The following DLG3 variants were observed in gnomAD, a reference collection of about 807,000 sequenced individuals.
DLG3 encodes the protein discs large MAGUK scaffold protein 3.
A neutral mutation model predicts 64.1 loss-of-function variants in DLG3; 1 was observed. That is an observed-to-expected ratio of 0.02 (90% CI 0.01 to 0.07). The LOEUF (loss-of-function observed/expected upper bound fraction) is 0.07, where lower values mean the gene tolerates loss of function less well. Among genes scored for constraint, DLG3 ranks in the 10% least tolerant of loss-of-function variants. The probability of loss-of-function intolerance (pLI) is 1.00; values close to 1 mark genes in which losing one functional copy is unlikely to be tolerated. For missense variants in DLG3, 429 were observed against 669.5 expected, an observed-to-expected ratio of 0.64 and a Z score of 3.96; for synonymous variants, 245 against 259.8, an observed-to-expected ratio of 0.94 and a Z score of 0.55.
chrX:70,502,637 G>T lies in DLG3; in HGVS notation c.*368G>T, dbSNP rs1039255268. ...AAAGACAGACTCTGGACAGCTGCAC[G>T]GCTTGTGAAGTGAGCTAAATGCACC... On this transcript the variant is annotated 3_prime_UTR_variant, in exon 19 of 19. Coordinates refer to ENST00000374360, the MANE Select transcript of DLG3 (RefSeq NM_021120.4). 5.0e-6 allele frequency: 1 copy of T among 199,246 alleles called. No homozygotes were observed. Among genetic ancestry groups the T allele is most frequent in the East Asian group, 1.3e-4 (1 of 7,687 alleles). The allele number at this position is 199,246 out of a possible 1,213,427, so 16.4% of individuals were successfully genotyped here. A position where few individuals can be genotyped will look rare whatever the true frequency, so the allele number is the denominator to read the frequency against.
At chrX:70,472,460 C>T (rs2086986442) in intron 9 of DLG3, among the ~76,000 whole-genome samples, 1 of 111,541 alleles carries the variant, frequency 9.0e-6, no homozygotes, top group African/African-American at 3.3e-5. Context: ...GATGCTGAGG[C>T]ACAAGAATTC....
chrX:70,492,697 A>T, intron 12 of DLG3, 101 bp downstream of exon 12: 1 of 783,718 alleles, frequency 1.3e-6, no homozygotes, highest in Non-Finnish European at 1.9e-6. Context: ...ACAAAAGAAA[A>T]TCTCTTTTTC....
chrX:70,464,297 T>C (rs938685683), intron 9 of DLG3, among the ~76,000 whole-genome samples: 1 of 108,089 alleles, frequency 9.3e-6, no homozygotes, highest in African/African-American at 3.4e-5. Context: ...TTGTCTCACT[T>C]TGTCACCCAG....
In DLG3 at chrX:70,499,899, T is replaced by G; in HGVS notation, c.1995T>G (p.Asp665Glu). Residue 665 changes from aspartate to glutamate, a missense_variant, in exon 16 of 19, where the codon GAT becomes GAG. By Grantham distance (45) the Asp-to-Glu change is conservative. Coordinates refer to ENST00000374360, the MANE Select transcript of DLG3 (RefSeq NM_021120.4). ...CAGATACTACCCGGCCTCGACGTGATAATGAGGTGGATGGACAAGACTACC... is the reference window on the plus strand; with the variant it reads ...CAGATACTACCCGGCCTCGACGTGAGAATGAGGTGGATGGACAAGACTACC... ...CVPHTTRPRR[D>E]NEVDGQDYHF... The G allele has an allele frequency of 3.3e-6, 4 of 1,209,709 alleles. No homozygotes were observed. The highest frequency in any genetic ancestry group is 4.5e-6 in the Non-Finnish European group (4 of 894,505).
intron 1 of DLG3, among the ~76,000 whole-genome samples, chrX:70,447,247 G>A (rs1457738039): frequency 1.8e-5 from 2 of 111,672 alleles, no homozygotes; most frequent in East Asian, 5.6e-4. Context: ...AAGCCTCTGG[G>A]TACCACTGGG....
At chrX:70,482,704 C>G (rs772212989) in intron 10 of DLG3, among the ~76,000 whole-genome samples, 1 of 80,554 alleles carries the variant, frequency 1.2e-5, no homozygotes, top group Admixed American at 1.8e-4. Context: ...CTCGCTCTGT[C>G]GCCCAGGCTG....
rs1228853521 is a variant in DLG3, at chrX:70,479,233, C to T, written c.1489C>T (p.Arg497Ter). Residue 497 changes from arginine (R) to a stop codon, truncating the protein, a stop_gained, in exon 10 of 19, where the codon CGA becomes TGA. Coordinates refer to ENST00000374360, the MANE Select transcript of DLG3 (RefSeq NM_021120.4). LOFTEE classifies it high-confidence loss of function. ...SSMSSGSGSL[R>*]TSEKRSLYVR... ...CATGAGCTCTGGGTCTGGGTCCCTCCGAACAAGTGAAAAGAGGTCCTTGTA... is the reference window on the plus strand; with the variant it reads ...CATGAGCTCTGGGTCTGGGTCCCTCTGAACAAGTGAAAAGAGGTCCTTGTA... 8.3e-7 allele frequency: 1 copy of T among 1,209,043 alleles called. No homozygotes were observed. The highest frequency in any genetic ancestry group is 1.7e-5 in the African/African-American group (1 of 57,209).
Position 70,471,150 on chromosome X carries a change from G to A in DLG3, c.1406-8000G>A, listed in dbSNP as rs1460834055. On this transcript the variant is annotated intron_variant, in intron 9 of 18. Transcript: ENST00000374360. ...TGTTGACTCAACAGGGGTGCAGATC[G>A]CCACACTAAACCTTGAGAAGGAAGC... 2.7e-5 allele frequency among the ~76,000 whole-genome samples: 3 copies of A among 110,107 alleles called. No homozygotes were observed. The East Asian group carries it at 8.6e-4, about 31-fold the overall frequency.
At chrX:70,482,662 G>GTTTTTTGTTTTTT (rs2087178639) in intron 10 of DLG3, among the ~76,000 whole-genome samples, 1 of 66,089 alleles carries the variant, frequency 1.5e-5, no homozygotes, top group East Asian at 4.4e-4. Flanking sequence ...CATGTGTGGT[G>GTTTTTTGTTTTTT]TTTTTTTTTT....
At position 70,502,427 on chromosome X, in the gene DLG3, T is replaced by C; in HGVS notation, c.*158T>C. On this transcript the variant is annotated 3_prime_UTR_variant, in exon 19 of 19. Coordinates refer to ENST00000374360, the MANE Select transcript of DLG3 (RefSeq NM_021120.4). ...AATTAAGTTTTCTAGTCCTGTTCTT[T>C]TTTTTTTTTTAAGTTTTTGTTTGTT... 2.2e-6 allele frequency: 1 copy of C among 444,840 alleles called. No individual in the cohort carries two copies. The highest frequency in any genetic ancestry group is 3.9e-6 in the Non-Finnish European group (1 of 255,662). The allele number at this position is 444,840 out of a possible 1,213,427, so 36.7% of individuals were successfully genotyped here.
intron 9 of DLG3, among the ~76,000 whole-genome samples, chrX:70,478,924 C>T (rs760710827): frequency 8.9e-6 from 1 of 111,789 alleles, no homozygotes; most frequent in Non-Finnish European, 1.9e-5. Flanking sequence ...AAATGCTACT[C>T]CCTTTTCAGG....
rs1017551146 is a variant in DLG3, at chrX:70,502,901, A to G, written c.*632A>G. On this transcript the variant is annotated 3_prime_UTR_variant, in exon 19 of 19. Coordinates refer to ENST00000374360, the MANE Select transcript of DLG3 (RefSeq NM_021120.4). ...GAGACTTCATCAATGGTACTATGTTATTAGAGAAATGCTTTAATTTTCATA... is the reference window on the plus strand; with the variant it reads ...GAGACTTCATCAATGGTACTATGTTGTTAGAGAAATGCTTTAATTTTCATA... 11 of 110,371 alleles carry G rather than the reference A, an allele frequency of 1.0e-4. No homozygotes were observed. Among genetic ancestry groups the G allele is most frequent in the Non-Finnish European group, 1.9e-4 (10 of 52,880 alleles). The allele number at this position is 110,371 out of a possible 1,213,427, so 9.1% of individuals were successfully genotyped here.
At chrX:70,455,106 G>T in intron 9 of DLG3, 1 of 718,295 alleles carries the variant, frequency 1.4e-6, no homozygotes, top group Middle Eastern at 8.0e-4. Context: ...CCCATCGCGC[G>T]CCTCAGGCGT....
chrX:70,482,710 G>A (rs1731612246), intron 10 of DLG3, among the ~76,000 whole-genome samples: 1 of 89,573 alleles, frequency 1.1e-5, no homozygotes, highest in Non-Finnish European at 2.1e-5. Flanking sequence ...CTGTCGCCCA[G>A]GCTGGAGTGG....
In DLG3 at chrX:70,449,138, A is replaced by G. The variant is rs368503271; in HGVS notation, c.408+175A>G. ...TCAATCAATCAACCCACTAACAAAT[A>G]TTAATTGACCTTGCTCACTGAGGCC... is the stretch of plus-strand genomic sequence containing the variant. On this transcript the variant is annotated intron_variant, in intron 2 of 18. Coordinates refer to ENST00000374360, the MANE Select transcript of DLG3 (RefSeq NM_021120.4). Among the ~76,000 whole-genome samples the G allele has an allele frequency of 4.5e-5, 5 of 111,222 alleles. No homozygotes were observed. The East Asian group carries it at 1.4e-3, about 32-fold the overall frequency.
Position 70,445,641 on chromosome X carries a change from G to A in DLG3, c.357+83G>A. ...GCCTAGAGGCCTGGGATGCAGTAGG[G>A]GTCGCTGGGGCTCCAAGCCTGTGGA... On this transcript the variant is annotated intron_variant, in intron 1 of 18. Transcript: ENST00000374360. 6 of 929,631 alleles carry A rather than the reference G, an allele frequency of 6.5e-6. No individual in the cohort carries two copies. The East Asian group carries it at 2.0e-4, about 32-fold the overall frequency. 76.6% of individuals were successfully genotyped at this position (929,631 alleles called of 1,213,427 possible).
intron 9 of DLG3, among the ~76,000 whole-genome samples, chrX:70,473,174 A>AT: frequency 9.2e-6 from 1 of 108,889 alleles, no homozygotes; most frequent in South Asian, 4.1e-4. Context: ...AAAAAAAAAA[A>AT]AAAAGCAAAT....
At chrX:70,479,365 C>CCCTAG in intron 10 of DLG3, 101 bp downstream of exon 10, 1 of 637,105 alleles carries the variant, frequency 1.6e-6, no homozygotes, top group Non-Finnish European at 2.7e-6. Flanking sequence ...AGTATGTACT[C>CCCTAG]CCAGTTCTAA....
intron 10 of DLG3, among the ~76,000 whole-genome samples, chrX:70,491,365 T>A (rs2087354775): frequency 8.9e-6 from 1 of 112,439 alleles, no homozygotes; most frequent in African/African-American, 3.2e-5. Flanking sequence ...TCCTTTTCCA[T>A]AAGCCTGGAT....
Sources: gnomAD v4.1 joint callset for allele counts (sites outside exome capture counted in the v4.1 genomes callset) on GRCh38, gnomAD v4.1.1 for gene constraint, MANE v1.5 for transcripts, NCBI Gene and HGNC (gene_info 2026-07-23, HGNC 2026-07-21) for gene names.